Variants in EFNA5 observed in about 807,000 individuals in gnomAD.
The protein encoded by EFNA5 is ephrin A5, also known as ephrin-A5.
Under a neutral mutation model 22.9 loss-of-function variants are expected in EFNA5, and 5 were observed. The observed-to-expected ratio is 0.22, with a 90% CI of 0.11 to 0.46. EFNA5 has a LOEUF of 0.46. Ranked by LOEUF, EFNA5 falls within the 20% of genes least tolerant of loss-of-function variation. The probability of loss-of-function intolerance (pLI) is 0.99; values close to 1 mark genes in which losing one functional copy is unlikely to be tolerated. For missense variants in EFNA5, 237 were observed against 293.3 expected, an observed-to-expected ratio of 0.81 and a Z score of 1.40; for synonymous variants, 113 against 112.2, an observed-to-expected ratio of 1.01 and a Z score of -0.04.
At chr5:107,609,387 C>A (rs1470204634) in intron 1 of EFNA5, among the ~76,000 whole-genome samples, 1 of 152,188 alleles carries the variant, frequency 6.6e-6, no homozygotes, top group African/African-American at 2.4e-5. Flanking sequence ...AGCTAACCGT[C>A]TGCCATGCCA....
rs1384398205 is a variant in EFNA5, at chr5:107,379,096, TG to T, written c.*2158del. On this transcript the variant is annotated 3_prime_UTR_variant, in exon 5 of 5. Transcript: ENST00000333274. ...GTGAACTTTTGTTTTGGTGAAATGGTGGCTGCCTTCTGTGATAAGACTCTGC... is the reference window on the plus strand; with the variant it reads ...GTGAACTTTTGTTTTGGTGAAATGGTGCTGCCTTCTGTGATAAGACTCTGC... 1.3e-5 allele frequency: 2 copies of T among 152,134 alleles called. No homozygotes were observed. Among genetic ancestry groups the T allele is most frequent in the Admixed American group, 1.3e-4 (2 of 15,282 alleles). 9.4% of individuals were successfully genotyped at this position (152,134 alleles called of 1,614,324 possible).
At chr5:107,650,137 C>T (rs1185793313) in intron 1 of EFNA5, among the ~76,000 whole-genome samples, 1 of 152,082 alleles carries the variant, frequency 6.6e-6, no homozygotes, top group East Asian at 1.9e-4. Context: ...CCCATATAAA[C>T]AACTAAATTA....
intron 1 of EFNA5, among the ~76,000 whole-genome samples, chr5:107,522,989 T>G (rs1747626616): frequency 6.6e-6 from 1 of 152,238 alleles, no homozygotes. Flanking sequence ...AAAGACTATT[T>G]AATTTCCACT....
At chr5:107,402,961 C>A (rs1254494962) in intron 2 of EFNA5, among the ~76,000 whole-genome samples, 1 of 152,184 alleles carries the variant, frequency 6.6e-6, no homozygotes, top group Non-Finnish European at 1.5e-5. Context: ...AAATAAAACT[C>A]TTCTTCTGTC....
At chr5:107,491,841 T>C (rs552666762) in intron 1 of EFNA5, among the ~76,000 whole-genome samples, 1 of 152,318 alleles carries the variant, frequency 6.6e-6, no homozygotes, top group African/African-American at 2.4e-5. Context: ...ATTAAATTAA[T>C]TAATTTTTTG....
chr5:107,482,308 C>CAAA (rs11400186), intron 1 of EFNA5, among the ~76,000 whole-genome samples: 2,578 of 137,158 alleles, frequency 0.019, 81 homozygotes, highest in East Asian at 0.13. Context: ...GATCTTGTCT[C>CAAA]AAAAAAAAAA....
At position 107,378,247 on chromosome 5, in the gene EFNA5, G is replaced by A. The variant is rs960139243; in HGVS notation, c.*3008C>T. On this transcript the variant is annotated 3_prime_UTR_variant, in exon 5 of 5. Transcript: ENST00000333274. ...TTCCTCTGCCACCCAAGAAAGTACA[G>A]TACAAAACAATAGTCTAAACTAACA... The A allele has an allele frequency of 4.7e-5, 7 of 147,918 alleles. No homozygotes were observed. Among genetic ancestry groups the A allele is most frequent in the African/African-American group, 1.5e-4 (6 of 39,626 alleles). The allele number at this position is 147,918 out of a possible 1,614,324, so 9.2% of individuals were successfully genotyped here.
intron 1 of EFNA5, among the ~76,000 whole-genome samples, chr5:107,443,031 T>A (rs552105618): frequency 6.6e-6 from 1 of 150,942 alleles, no homozygotes; most frequent in Non-Finnish European, 1.5e-5. Flanking sequence ...GAAGAAGATA[T>A]CCAAATTTTC....
chr5:107,548,190 A>G lies in EFNA5; in HGVS notation c.126-120681T>C, dbSNP rs458463. Reference sequence around the variant, plus strand: ...CATAACTGAAACTCAACTCAAAATTAAACTTCAGAATCCAATTCATTATTT... The same window carrying G: ...CATAACTGAAACTCAACTCAAAATTGAACTTCAGAATCCAATTCATTATTT... On this transcript the variant is annotated intron_variant, in intron 1 of 4. Coordinates refer to ENST00000333274, the MANE Select transcript of EFNA5 (RefSeq NM_001962.3). Among the ~76,000 whole-genome samples, 1,073 of 152,320 alleles carry G rather than the reference A, an allele frequency of 7.0e-3. 9 individuals are homozygous for G. Among genetic ancestry groups the G allele is most frequent in the African/African-American group, 0.025 (1,035 of 41,570 alleles).
In EFNA5 at chr5:107,670,779, G is replaced by C. The variant is rs1028744802; in HGVS notation, c.-166C>G. On this transcript the variant is annotated 5_prime_UTR_variant, in exon 1 of 5. Coordinates refer to ENST00000333274, the MANE Select transcript of EFNA5 (RefSeq NM_001962.3). ...AAGGAAAGAGGCGCCCACCAAGCTG[G>C]GGAGGGGTAGGAGAGCGAGAAGAAA... 1.3e-5 allele frequency: 12 copies of C among 913,510 alleles called. No homozygotes were observed. In the South Asian group the frequency reaches 1.9e-4, roughly 14 times the overall value. 56.6% of individuals were successfully genotyped at this position (913,510 alleles called of 1,614,324 possible).
intron 1 of EFNA5, among the ~76,000 whole-genome samples, chr5:107,661,049 C>T (rs1001115490): frequency 8.7e-5 from 13 of 149,838 alleles, no homozygotes; most frequent in South Asian, 2.1e-4. Context: ...GGGTTACTGG[C>T]GAGATTGCAG....
At chr5:107,512,317 G>A (rs531999668) in intron 1 of EFNA5, among the ~76,000 whole-genome samples, 2 of 151,654 alleles carry the variant, frequency 1.3e-5, no homozygotes, top group Non-Finnish European at 2.9e-5. Context: ...CAATCGCCTG[G>A]GTATAAGCAA....
At chr5:107,657,162 C>G (rs1306770507) in intron 1 of EFNA5, among the ~76,000 whole-genome samples, 1 of 151,950 alleles carries the variant, frequency 6.6e-6, no homozygotes, top group East Asian at 1.9e-4. Context: ...TGCTTATTTT[C>G]TTTTTTTAAA....
intron 1 of EFNA5, among the ~76,000 whole-genome samples, chr5:107,570,106 T>G (rs1185498245): frequency 6.6e-6 from 1 of 152,018 alleles, no homozygotes; most frequent in African/African-American, 2.4e-5. Context: ...GAGACCTACC[T>G]CCTAATGGTG....
At chr5:107,485,217 C>T (rs778964762) in intron 1 of EFNA5, among the ~76,000 whole-genome samples, 1 of 152,132 alleles carries the variant, frequency 6.6e-6, no homozygotes, top group Non-Finnish European at 1.5e-5. Flanking sequence ...CAATTCTAGC[C>T]AGACTTCAAC....
chr5:107,512,037 C>T (rs1747381705), intron 1 of EFNA5, among the ~76,000 whole-genome samples: 1 of 152,178 alleles, frequency 6.6e-6, no homozygotes, highest in African/African-American at 2.4e-5. Context: ...GAAGAAAATG[C>T]CATGATGCTA....
In EFNA5 at chr5:107,615,524, C is replaced by T. The variant is rs529097908; in HGVS notation, c.125+54965G>A. ...CCTTTGCAGTCAGACAGTCATTTAGCTGGAGTCAATCAAGCGTATGATTAG... is the reference window on the plus strand; with the variant it reads ...CCTTTGCAGTCAGACAGTCATTTAGTTGGAGTCAATCAAGCGTATGATTAG... On this transcript the variant is annotated intron_variant, in intron 1 of 4. Coordinates refer to ENST00000333274, the MANE Select transcript of EFNA5 (RefSeq NM_001962.3). Among the ~76,000 whole-genome samples the T allele has an allele frequency of 1.5e-4, 23 of 152,278 alleles. No homozygotes were observed. In the East Asian group the frequency reaches 4.4e-3, roughly 29 times the overall value.
At chr5:107,609,041 A>C (rs1749774278) in intron 1 of EFNA5, among the ~76,000 whole-genome samples, 1 of 152,224 alleles carries the variant, frequency 6.6e-6, no homozygotes, top group Admixed American at 6.5e-5. Context: ...CCTGCAAAAC[A>C]TGGGCCTTGC....
At chr5:107,561,844 C>T (rs1051013973) in intron 1 of EFNA5, among the ~76,000 whole-genome samples, 1 of 152,118 alleles carries the variant, frequency 6.6e-6, no homozygotes, top group Admixed American at 6.5e-5. Context: ...TTTATTCCAA[C>T]TGACTTTTTT....
Sources: gnomAD v4.1 joint callset for allele counts (sites outside exome capture counted in the v4.1 genomes callset) on GRCh38, gnomAD v4.1.1 for gene constraint, MANE v1.5 for transcripts, NCBI Gene and HGNC (gene_info 2026-07-23, HGNC 2026-07-21) for gene names.